TOM1L2: variants seen among roughly 807,000 people sequenced by gnomAD.
TOM1L2 encodes TOM1-like protein 2.
A neutral mutation model predicts 67.9 loss-of-function variants in TOM1L2; 31 were observed. The ratio of observed to expected loss-of-function variants is 0.46; its 90% confidence interval spans 0.34 to 0.62. TOM1L2 has a LOEUF of 0.62. Among genes scored for constraint, TOM1L2 ranks in the 20% least tolerant of loss-of-function variants. The pLI is 0.01. For missense variants in TOM1L2, 606 were observed against 663.5 expected, an observed-to-expected ratio of 0.91 and a Z score of 0.95; for synonymous variants, 256 against 254.0, an observed-to-expected ratio of 1.01 and a Z score of -0.07.
chr17:17,897,320 T>C (rs2038626197), intron 3 of TOM1L2, among the ~76,000 whole-genome samples: 1 of 152,202 alleles, frequency 6.6e-6, no homozygotes, highest in African/African-American at 2.4e-5. Context: ...ACCAGTCTTT[T>C]CTCCTTTATT....
chr17:17,896,433 G>A lies in TOM1L2; in HGVS notation c.216+2163C>T, dbSNP rs891016397. ...GCAACAGTGGCAGGAACCACTGCCCGCCATTAGGGAATACATGCTTAGTTT... is the reference window on the plus strand; with the variant it reads ...GCAACAGTGGCAGGAACCACTGCCCACCATTAGGGAATACATGCTTAGTTT... On this transcript the variant is annotated intron_variant, in intron 3 of 14. Coordinates refer to ENST00000379504, the MANE Select transcript of TOM1L2 (RefSeq NM_001082968.2). 5.9e-5 allele frequency among the ~76,000 whole-genome samples: 9 copies of A among 152,148 alleles called. No homozygotes were observed. In the South Asian group the frequency reaches 1.5e-3, roughly 25 times the overall value.
At position 17,953,428 on chromosome 17, in the gene TOM1L2, T is replaced by C. The variant is rs552471026; in HGVS notation, c.52+18834A>G. Among the ~76,000 whole-genome samples the C allele has an allele frequency of 3.3e-5, 5 of 152,294 alleles. No individual in the cohort carries two copies. In the East Asian group the frequency reaches 9.6e-4, roughly 29 times the overall value. ...TTGCTGCAGTATTCCTGTAAGGTGC[T>C]AGAGACAAGCAGGAGTGCCCCGGAT... On this transcript the variant is annotated intron_variant, in intron 1 of 14. Transcript: ENST00000379504.
intron 1 of TOM1L2, among the ~76,000 whole-genome samples, chr17:17,956,195 G>C (rs2041438561): frequency 6.6e-6 from 1 of 152,184 alleles, no homozygotes; most frequent in East Asian, 1.9e-4. Context: ...TGATTGGTCT[G>C]TTTTACAGAG....
intron 2 of TOM1L2, among the ~76,000 whole-genome samples, chr17:17,899,386 G>A (rs925582585): frequency 6.6e-6 from 1 of 152,166 alleles, no homozygotes; most frequent in Non-Finnish European, 1.5e-5. Context: ...GATCTGAGGT[G>A]GATTCCCAGA....
rs2035556008 is a variant in TOM1L2, at chr17:17,844,736, C to T, written c.*2899G>A. On this transcript the variant is annotated 3_prime_UTR_variant, in exon 15 of 15. Transcript: ENST00000379504. ...GCACATAGCGCCATTCTCTGCCGCC[C>T]AGTGGCCAAAAAGGTAGGCAGGAGG... 6.6e-6 allele frequency: 1 copy of T among 152,272 alleles called. No homozygotes were observed. The highest frequency in any genetic ancestry group is 2.4e-5 in the African/African-American group (1 of 41,478). The allele number at this position is 152,272 out of a possible 1,614,324, so 9.4% of individuals were successfully genotyped here.
At chr17:17,850,207 C>G (rs1002440823) in intron 13 of TOM1L2, among the ~76,000 whole-genome samples, 20 of 152,200 alleles carry the variant, frequency 1.3e-4, no homozygotes, top group African/African-American at 4.8e-4. Context: ...TCATCCGCCA[C>G]CCTGGCCCCC....
At chr17:17,951,944 G>A (rs1275487108) in intron 1 of TOM1L2, among the ~76,000 whole-genome samples, 1 of 152,170 alleles carries the variant, frequency 6.6e-6, no homozygotes, top group African/African-American at 2.4e-5. Context: ...CTCATTTAGA[G>A]GGCAATTTGG....
At chr17:17,928,582 C>T (rs538089112) in intron 1 of TOM1L2, among the ~76,000 whole-genome samples, 5 of 152,312 alleles carry the variant, frequency 3.3e-5, no homozygotes, top group Middle Eastern at 3.4e-3. Flanking sequence ...ACGGCCCCCG[C>T]GTGAGCATGC....
At chr17:17,870,919 C>T (rs914925085) in intron 7 of TOM1L2, among the ~76,000 whole-genome samples, 8 of 152,212 alleles carry the variant, frequency 5.3e-5, no homozygotes, top group African/African-American at 1.7e-4. Flanking sequence ...CCCTGGTATC[C>T]TGCAACACAG....
chr17:17,871,452 T>C (rs1252152548), intron 7 of TOM1L2, among the ~76,000 whole-genome samples: 1 of 152,040 alleles, frequency 6.6e-6, no homozygotes, highest in Admixed American at 6.5e-5. Context: ...GGCGGATCAC[T>C]TGAGGTCAGG....
chr17:17,904,968 T>A (rs1238787061), intron 2 of TOM1L2, among the ~76,000 whole-genome samples: 2 of 152,054 alleles, frequency 1.3e-5, no homozygotes, highest in African/African-American at 4.8e-5. Flanking sequence ...GCTGGAACAT[T>A]CACCTTGGCA....
chr17:17,891,167 T>C (rs2038252610), intron 4 of TOM1L2, among the ~76,000 whole-genome samples: 1 of 152,238 alleles, frequency 6.6e-6, no homozygotes, highest in Admixed American at 6.5e-5. Context: ...CAGGTCCCCA[T>C]GGCCAGCACA....
Position 17,884,831 on chromosome 17 carries a change from A to G in TOM1L2, c.367-63T>C. 6.9e-6 allele frequency: 11 copies of G among 1,604,356 alleles called. No individual in the cohort carries two copies. The South Asian group carries it at 7.7e-5, about 11-fold the overall frequency. The stretch of plus-strand genomic sequence containing the variant: ...GAGCTGCCATGGTATCTGAAAATCC[A>G]AAGTGGCCCACGTCCTCTCCCCGAG... On this transcript the variant is annotated intron_variant, in intron 4 of 14. Transcript: ENST00000379504.
intron 1 of TOM1L2, among the ~76,000 whole-genome samples, chr17:17,940,268 A>T (rs188698341): frequency 6.6e-6 from 1 of 151,586 alleles, no homozygotes; most frequent in Admixed American, 6.6e-5. Context: ...AGATGAGCTT[A>T]TACGGGTCAA....
At chr17:17,947,019 C>T (rs2040980689) in intron 1 of TOM1L2, among the ~76,000 whole-genome samples, 1 of 152,168 alleles carries the variant, frequency 6.6e-6, no homozygotes, top group Non-Finnish European at 1.5e-5. Flanking sequence ...GCCACCGTGC[C>T]AGCCTAAGTG....
At chr17:17,867,625 A>G (rs1249545704) in intron 8 of TOM1L2, among the ~76,000 whole-genome samples, 2 of 152,188 alleles carry the variant, frequency 1.3e-5, no homozygotes, top group Admixed American at 1.3e-4. Flanking sequence ...TATGTTCTGT[A>G]TCGTATTTAA....
intron 5 of TOM1L2, among the ~76,000 whole-genome samples, chr17:17,883,601 G>A (rs1262957476): frequency 6.6e-6 from 1 of 152,216 alleles, no homozygotes; most frequent in Non-Finnish European, 1.5e-5. Context: ...AGGCATGGTG[G>A]CGGTCACCTG....
At chr17:17,956,760 C>G (rs1160915081) in intron 1 of TOM1L2, among the ~76,000 whole-genome samples, 1 of 152,238 alleles carries the variant, frequency 6.6e-6, no homozygotes, top group Non-Finnish European at 1.5e-5. Context: ...TGCCCGGGGC[C>G]TGCGGTGCTG....
intron 7 of TOM1L2, among the ~76,000 whole-genome samples, chr17:17,871,283 A>G (rs2037140368): frequency 6.6e-6 from 1 of 152,146 alleles, no homozygotes; most frequent in Non-Finnish European, 1.5e-5. Flanking sequence ...AGGCAGGAGA[A>G]TGGCGTGAAC....
Sources: gnomAD v4.1 joint callset for allele counts (sites outside exome capture counted in the v4.1 genomes callset) on GRCh38, gnomAD v4.1.1 for gene constraint, MANE v1.5 for transcripts, NCBI Gene and HGNC (gene_info 2026-07-23, HGNC 2026-07-21) for gene names.